The following DLGAP2 variants were observed in gnomAD, a reference collection of about 807,000 sequenced individuals.
The protein encoded by DLGAP2 is disks large-associated protein 2.
In DLGAP2, 26 loss-of-function variants were observed where a neutral mutation model predicts 100.3. The observed-to-expected ratio is 0.26, with a 90% CI of 0.19 to 0.36. The LOEUF (loss-of-function observed/expected upper bound fraction) is 0.36. Among genes scored for constraint, DLGAP2 ranks in the 10% least tolerant of loss-of-function variants. The probability of loss-of-function intolerance (pLI) is 1.00; values close to 1 mark genes in which losing one functional copy is unlikely to be tolerated. For missense variants in DLGAP2, 1,858 were observed against 1,453.2 expected, an observed-to-expected ratio of 1.28 and a Z score of -4.53; for synonymous variants, 886 against 630.1, an observed-to-expected ratio of 1.41 and a Z score of -6.08.
intron 2 of DLGAP2, among the ~76,000 whole-genome samples, chr8:952,443 C>G (rs1209102139): frequency 6.6e-6 from 1 of 152,106 alleles, no homozygotes; most frequent in Non-Finnish European, 1.5e-5. Context: ...TCAAGACCAG[C>G]CTGGCCAACA....
chr8:823,747 G>T (rs1337068401), intron 1 of DLGAP2, among the ~76,000 whole-genome samples: 1 of 152,114 alleles, frequency 6.6e-6, no homozygotes, highest in Non-Finnish European at 1.5e-5. Flanking sequence ...TGCACTTTGG[G>T]AAGTGGTCAT....
intron 2 of DLGAP2, among the ~76,000 whole-genome samples, chr8:1,060,450 A>G (rs931982260): frequency 4.7e-5 from 7 of 148,070 alleles, no homozygotes. Context: ...ATCCAGGCCC[A>G]TGGAAGCGCG....
intron 3 of DLGAP2, among the ~76,000 whole-genome samples, chr8:1,315,285 G>GT (rs776548079): frequency 6.0e-5 from 8 of 134,160 alleles, no homozygotes; most frequent in East Asian, 2.0e-4. Context: ...TTTAAAAATA[G>GT]AGCCTGTGCG....
chr8:1,660,663 C>G (rs1462167870), intron 8 of DLGAP2, among the ~76,000 whole-genome samples: 2 of 152,158 alleles, frequency 1.3e-5, no homozygotes, highest in African/African-American at 4.8e-5. Context: ...TGTTGGATTT[C>G]TCATGGGGTC....
intron 2 of DLGAP2, among the ~76,000 whole-genome samples, chr8:1,216,354 T>C (rs1164467964): frequency 6.6e-6 from 1 of 152,078 alleles, no homozygotes; most frequent in Non-Finnish European, 1.5e-5. Context: ...CTGTCCTAAT[T>C]GTTTTTTTGT....
intron 3 of DLGAP2, among the ~76,000 whole-genome samples, chr8:1,470,475 C>T (rs1584934637): frequency 2.0e-5 from 3 of 152,260 alleles, no homozygotes; most frequent in South Asian, 2.1e-4. Flanking sequence ...CTCCCGCCAC[C>T]TGCTCTCTTC....
intron 1 of DLGAP2, among the ~76,000 whole-genome samples, chr8:767,169 C>T (rs537898812): frequency 3.4e-4 from 51 of 152,194 alleles, no homozygotes; most frequent in African/African-American, 1.0e-3. Context: ...GCCACATCCA[C>T]GGCTCCGCTT....
chr8:869,517 A>G (rs991229807), intron 1 of DLGAP2, among the ~76,000 whole-genome samples: 1 of 152,266 alleles, frequency 6.6e-6, no homozygotes, highest in Non-Finnish European at 1.5e-5. Context: ...CTCCGTGGAA[A>G]GTGATAGCAT....
intron 1 of DLGAP2, among the ~76,000 whole-genome samples, chr8:880,490 G>C (rs897528967): frequency 2.0e-5 from 3 of 151,752 alleles, no homozygotes; most frequent in Non-Finnish European, 4.4e-5. Flanking sequence ...GTGCTGGGGA[G>C]ACTTTGTAGG....
At chr8:1,572,572 A>T (rs1802772279) in intron 6 of DLGAP2, among the ~76,000 whole-genome samples, 2 of 95,876 alleles carry the variant, frequency 2.1e-5, no homozygotes, top group Non-Finnish European at 4.1e-5. Context: ...AGAGAGGGTG[A>T]ACTGTGGGGG....
At chr8:1,345,361 C>T (rs922567933) in intron 3 of DLGAP2, among the ~76,000 whole-genome samples, 2 of 151,768 alleles carry the variant, frequency 1.3e-5, no homozygotes, top group African/African-American at 4.8e-5. Flanking sequence ...GATTTCTTTC[C>T]TCTGCTGTTG....
intron 3 of DLGAP2, among the ~76,000 whole-genome samples, chr8:1,481,471 C>CTTTTTTTTTTTTTTTTTTTTTTTTTTCT (rs1165790168): frequency 2.3e-5 from 1 of 43,668 alleles, no homozygotes; most frequent in Non-Finnish European, 4.5e-5. Context: ...TTTTCTTTTT[C>CTTTTTTTTTTTTTTTTTTTTTTTTTTCT]TTTTTTTTTT....
intron 3 of DLGAP2, among the ~76,000 whole-genome samples, chr8:1,273,666 G>C (rs1563055261): frequency 6.6e-6 from 1 of 152,166 alleles, no homozygotes; most frequent in Non-Finnish European, 1.5e-5. Context: ...GGCATATTTG[G>C]CCTGAATTTG....
In DLGAP2 at chr8:1,549,159, G is replaced by T. The variant is rs753025360; in HGVS notation, c.706G>T (p.Val236Leu). The change falls in exon 5 of 15, where the codon GTG (valine) becomes TTG (leucine). Residue 236 changes from valine (V) to leucine (L), a missense_variant. Physicochemically the swap from Val to Leu is conservative, Grantham distance 32. Coordinates refer to ENST00000637795, the MANE Select transcript of DLGAP2 (RefSeq NM_001346810.2). ...PGRIRHLVHS[V>L]QKLFTKSHSL... ...GCGGATCCGCCACCTGGTACACTCC[G>T]TGCAGAAGCTCTTCACCAAGTCGCA... The T allele has an allele frequency of 1.3e-6, 2 of 1,597,070 alleles. No homozygotes were observed. Among genetic ancestry groups the T allele is most frequent in the Admixed American group, 1.7e-5 (1 of 57,288 alleles).
At chr8:944,278 T>C (rs973568418) in intron 2 of DLGAP2, among the ~76,000 whole-genome samples, 1 of 151,652 alleles carries the variant, frequency 6.6e-6, no homozygotes, top group African/African-American at 2.4e-5. Flanking sequence ...ATCCAGTGGA[T>C]TGTAACCAGC....
At chr8:1,005,523 C>G (rs1280465239) in intron 2 of DLGAP2, among the ~76,000 whole-genome samples, 1 of 149,346 alleles carries the variant, frequency 6.7e-6, no homozygotes, top group African/African-American at 2.5e-5. Context: ...ATTCTCTTGT[C>G]TTGGCCTCCC....
intron 1 of DLGAP2, among the ~76,000 whole-genome samples, chr8:762,697 G>A (rs1319759045): frequency 1.3e-5 from 2 of 152,052 alleles, no homozygotes; most frequent in South Asian, 2.1e-4. Flanking sequence ...AAGGAGACAG[G>A]GTCTCACTCT....
chr8:1,260,046 T>A (rs1454890935), intron 3 of DLGAP2, among the ~76,000 whole-genome samples: 1 of 152,136 alleles, frequency 6.6e-6, no homozygotes, highest in Non-Finnish European at 1.5e-5. Flanking sequence ...AATGTGATGT[T>A]TTACAGTCAG....
At chr8:1,645,818 C>T (rs1014802079) in intron 8 of DLGAP2, among the ~76,000 whole-genome samples, 5 of 152,150 alleles carry the variant, frequency 3.3e-5, no homozygotes, top group African/African-American at 1.2e-4. Context: ...GATAGGTATT[C>T]CTAGATCCCA....
Sources: allele counts gnomAD v4.1 joint callset (sites outside exome capture counted in the v4.1 genomes callset), GRCh38; gene constraint gnomAD v4.1.1; transcripts MANE v1.5; gene names NCBI Gene and HGNC (gene_info 2026-07-23, HGNC 2026-07-21).